Variants in RARB observed in about 807,000 individuals in gnomAD.
RARB encodes the protein retinoic acid receptor beta.
Under a neutral mutation model 51.9 loss-of-function variants are expected in RARB, and 17 were observed. The ratio of observed to expected loss-of-function variants is 0.33; its 90% CI spans 0.22 to 0.49. RARB has a LOEUF of 0.49. RARB is among the 20% of genes least tolerant of loss of function. The pLI is 0.99. For missense variants in RARB, 369 were observed against 550.8 expected (o/e 0.67, Z 3.30); for synonymous variants, 215 against 195.4 (o/e 1.10, Z -0.84).
chr3:25,108,626 A>T (rs546925547), intron 3 of RARB, among the ~76,000 whole-genome samples: 1 of 152,192 alleles, frequency 6.6e-6, no homozygotes, highest in African/African-American at 2.4e-5. Flanking sequence ...TGTCCAGGGA[A>T]AAAAGAATGG....
At chr3:25,092,380 A>C (rs1220196147) in intron 3 of RARB, among the ~76,000 whole-genome samples, 2 of 148,040 alleles carry the variant, frequency 1.4e-5, no homozygotes, top group African/African-American at 2.6e-5. Context: ...AAACAAAACA[A>C]AAAAACCTCT....
At chr3:25,508,694 A>G (rs961778715) in intron 3 of RARB, among the ~76,000 whole-genome samples, 1 of 152,012 alleles carries the variant, frequency 6.6e-6, no homozygotes, top group Non-Finnish European at 1.5e-5. Context: ...TGTTCTGTTC[A>G]CCAGAAACTA....
At chr3:24,944,305 A>C (rs986689913) in intron 2 of RARB, among the ~76,000 whole-genome samples, 1 of 152,218 alleles carries the variant, frequency 6.6e-6, no homozygotes, top group African/African-American at 2.4e-5. Flanking sequence ...TCTGGGTCTC[A>C]AGCACAGAGT....
intron 5 of RARB, among the ~76,000 whole-genome samples, chr3:25,271,578 T>C (rs1226124067): frequency 2.0e-5 from 3 of 152,202 alleles, no homozygotes; most frequent in African/African-American, 7.2e-5. Context: ...AGGTGGTCAT[T>C]AGATGAAATG....
At chr3:25,369,911 C>T (rs1401120405) in intron 5 of RARB, among the ~76,000 whole-genome samples, 1 of 151,072 alleles carries the variant, frequency 6.6e-6, no homozygotes, top group Non-Finnish European at 1.5e-5. Flanking sequence ...AAGAGTGAAA[C>T]TGTCTCAGAA....
At chr3:25,323,397 T>C (rs907383583) in intron 5 of RARB, among the ~76,000 whole-genome samples, 1 of 152,238 alleles carries the variant, frequency 6.6e-6, no homozygotes, top group Non-Finnish European at 1.5e-5. Context: ...AATGTGCCAC[T>C]TTTAGCAACA....
intron 5 of RARB, among the ~76,000 whole-genome samples, chr3:25,175,850 C>T (rs1030282609): frequency 1.2e-4 from 19 of 152,160 alleles, no homozygotes; most frequent in African/African-American, 4.6e-4. Context: ...GAAGTTCAAA[C>T]TGAAAGTTGA....
chr3:25,079,049 T>G (rs1575150324), intron 3 of RARB, among the ~76,000 whole-genome samples: 1 of 117,082 alleles, frequency 8.5e-6, no homozygotes, highest in African/African-American at 5.7e-5. Context: ...TTTATGTAGG[T>G]TTTTTTTTTA....
At chr3:24,880,793 A>C (rs1339040665) in intron 2 of RARB, among the ~76,000 whole-genome samples, 1 of 152,206 alleles carries the variant, frequency 6.6e-6, no homozygotes, top group Admixed American at 6.5e-5. Context: ...CTTCTCACTA[A>C]CTTTATTTTG....
At chr3:24,996,470 T>A (rs1445873484) in intron 2 of RARB, among the ~76,000 whole-genome samples, 1 of 152,090 alleles carries the variant, frequency 6.6e-6, no homozygotes, top group Non-Finnish European at 1.5e-5. Flanking sequence ...ACTTCTGTTC[T>A]GATTTTACTA....
intron 5 of RARB, among the ~76,000 whole-genome samples, chr3:25,370,016 G>T (rs908264913): frequency 6.6e-6 from 1 of 152,140 alleles, no homozygotes; most frequent in Non-Finnish European, 1.5e-5. Flanking sequence ...TGAGTGAAAA[G>T]GCACAGAGCA....
chr3:25,063,426 T>C (rs1698590484), intron 3 of RARB, among the ~76,000 whole-genome samples: 1 of 152,044 alleles, frequency 6.6e-6, no homozygotes, highest in Non-Finnish European at 1.5e-5. Context: ...TTGCTTTCCA[T>C]CCTATTTCTT....
At chr3:25,322,003 T>G (rs1704584919) in intron 5 of RARB, among the ~76,000 whole-genome samples, 1 of 151,974 alleles carries the variant, frequency 6.6e-6, no homozygotes, top group Non-Finnish European at 1.5e-5. Flanking sequence ...GGAAAAATGT[T>G]TGTAGAAAAA....
intron 5 of RARB, among the ~76,000 whole-genome samples, chr3:25,360,918 C>G (rs1705913571): frequency 6.6e-6 from 1 of 152,120 alleles, no homozygotes; most frequent in East Asian, 1.9e-4. Context: ...ACATTTTTTC[C>G]TTCATTTCAA....
intron 2 of RARB, among the ~76,000 whole-genome samples, chr3:24,885,098 T>C (rs949438690): frequency 6.6e-6 from 1 of 152,246 alleles, no homozygotes; most frequent in Middle Eastern, 3.4e-3. Context: ...TTAGAATTAC[T>C]ACATAATTTA....
intron 5 of RARB, among the ~76,000 whole-genome samples, chr3:25,403,167 A>AAG (rs1707311403): frequency 6.6e-6 from 1 of 152,052 alleles, no homozygotes; most frequent in Non-Finnish European, 1.5e-5. Flanking sequence ...TCTCAAAAAA[A>AAG]AAAAAAAAAA....
chr3:25,119,518 G>C (rs1699744480), intron 3 of RARB, among the ~76,000 whole-genome samples: 2 of 152,012 alleles, frequency 1.3e-5, no homozygotes, highest in Non-Finnish European at 2.9e-5. Context: ...AACATTGGCT[G>C]CTATTATGGG....
chr3:25,365,748 G>A (rs1464911950), intron 5 of RARB, among the ~76,000 whole-genome samples: 1 of 152,208 alleles, frequency 6.6e-6, no homozygotes, highest in Non-Finnish European at 1.5e-5. Flanking sequence ...TACTCTCAAT[G>A]TGGTTTTGGT....
intron 5 of RARB, among the ~76,000 whole-genome samples, chr3:25,321,519 A>G (rs1227615441): frequency 1.3e-5 from 2 of 152,046 alleles, no homozygotes; most frequent in South Asian, 2.1e-4. Flanking sequence ...GGTGTTCGAG[A>G]CCAGCCCAGA....
Sources: allele counts gnomAD v4.1 joint callset (sites outside exome capture counted in the v4.1 genomes callset), GRCh38; gene constraint gnomAD v4.1.1; transcripts MANE v1.5; gene names NCBI Gene and HGNC (gene_info 2026-07-23, HGNC 2026-07-21).